The following FRAS1 variants were observed in gnomAD, a reference collection of about 807,000 sequenced individuals.
The protein encoded by FRAS1 is extracellular matrix organizing protein FRAS1.
In FRAS1, 290 loss-of-function variants were observed where a neutral mutation model predicts 435.2. The ratio of observed to expected loss-of-function variants is 0.67; its 90% CI spans 0.61 to 0.73. FRAS1 has a LOEUF of 0.73. Among genes scored for constraint, FRAS1 ranks in the 30% least tolerant of loss-of-function variants. The pLI is 0.00. For synonymous variants in FRAS1, 1,800 were observed against 1,851.0 expected, an observed-to-expected ratio of 0.97 and a Z score of 0.71; for missense variants, 4,860 against 5,001.5, an observed-to-expected ratio of 0.97 and a Z score of 0.85.
In FRAS1 at chr4:78,255,211, C is replaced by G. The variant is rs58723665; in HGVS notation, c.470-31C>G. 7,412 of 1,551,194 alleles carry G rather than the reference C, an allele frequency of 4.8e-3. 299 individuals carry two copies. In the African/African-American group the frequency reaches 0.088, roughly 18 times the overall value. On this transcript the variant is annotated intron_variant, in intron 5 of 73. Transcript: ENST00000512123. ...CCCTGGGATCAACAAATGCCATCCC[C>G]CTAGTAATCCTTGTTTCTTTGACCT...
At chr4:78,157,030 G>A (rs528040436) in intron 2 of FRAS1, among the ~76,000 whole-genome samples, 28 of 152,280 alleles carry the variant, frequency 1.8e-4, no homozygotes, top group East Asian at 1.2e-3. Flanking sequence ...GAAGTTTCTC[G>A]TTTAAGCTCT....
At position 78,450,257 on chromosome 4, in the gene FRAS1, G is replaced by C; in HGVS notation, c.6381G>C (p.Leu2127=). ...IMKEDPGAGR[L]QMMKHGNLEQ... ...AGGAAGATCCTGGTGCAGGGCGCCTGCAGATGATGAAGCATGGCAACCTGG... is the reference window on the plus strand; with the variant it reads ...AGGAAGATCCTGGTGCAGGGCGCCTCCAGATGATGAAGCATGGCAACCTGG... The change falls in exon 45 of 74, where the codon CTG becomes CTC. Residue 2127 remains leucine, a synonymous_variant. Transcript: ENST00000512123. 1 of 1,613,832 alleles carries C rather than the reference G, an allele frequency of 6.2e-7. No homozygotes were observed. Among genetic ancestry groups the C allele is most frequent in the Admixed American group, 1.7e-5 (1 of 60,020 alleles).
chr4:78,482,117 T>C (rs142690682), intron 57 of FRAS1, among the ~76,000 whole-genome samples, 153 bp downstream of exon 57: 2 of 152,248 alleles, frequency 1.3e-5, no homozygotes, highest in East Asian at 3.9e-4. Context: ...AGAGTTAACT[T>C]AGGAGGGGAT....
At chr4:78,366,023 A>G (rs1267416221) in intron 22 of FRAS1, among the ~76,000 whole-genome samples, 7 of 152,114 alleles carry the variant, frequency 4.6e-5, no homozygotes, top group African/African-American at 1.2e-4. Context: ...ATAGACAATT[A>G]TAGGCCTGCC....
At chr4:78,434,469 A>T (rs1459884535) in intron 38 of FRAS1, among the ~76,000 whole-genome samples, 1 of 152,182 alleles carries the variant, frequency 6.6e-6, no homozygotes, top group African/African-American at 2.4e-5. Flanking sequence ...TATGGGAAGG[A>T]TAAAATTAAT....
intron 36 of FRAS1, among the ~76,000 whole-genome samples, chr4:78,429,651 A>G (rs778129393): frequency 6.6e-6 from 1 of 152,228 alleles, no homozygotes; most frequent in African/African-American, 2.4e-5. Flanking sequence ...GTTATTTTGT[A>G]TATAATTATA....
At position 78,466,365 on chromosome 4, in the gene FRAS1, A is replaced by G. The variant is rs890548983; in HGVS notation, c.7187A>G (p.Lys2396Arg). The stretch of plus-strand genomic sequence containing the variant: ...AGCCATGACGGCAGTAACTCCCTCA[A>G]GGACCGGTTCACCTTCACTGTTTCT... Reference protein sequence around the residue: ...SYSHDGSNSLKDRFTFTVSDG... With the variant: ...SYSHDGSNSLRDRFTFTVSDG... The change falls in exon 50 of 74, where the codon AAG (lysine) becomes AGG (arginine). Residue 2396 changes from lysine (K) to arginine (R), a missense_variant. Coordinates refer to ENST00000512123, the MANE Select transcript of FRAS1 (RefSeq NM_025074.7). The G allele has an allele frequency of 8.1e-6, 13 of 1,613,856 alleles. No individual in the cohort carries two copies. The highest frequency in any genetic ancestry group is 1.1e-5 in the Non-Finnish European group (13 of 1,179,876).
chr4:78,267,405 A>G lies in FRAS1; in HGVS notation c.954A>G (p.Gly318=). ...CDHGQVTCQT[G]ECAKVECARD... The stretch of plus-strand genomic sequence containing the variant: ...ATGGCCAAGTGACCTGCCAGACTGG[A>G]GAGTGTGCCAAAGTGGAGTGTGCCC... Residue 318 remains glycine, a synonymous_variant, in exon 9 of 74, where the codon GGA becomes GGG. Coordinates refer to ENST00000512123, the MANE Select transcript of FRAS1 (RefSeq NM_025074.7). The G allele has an allele frequency of 6.2e-7, 1 of 1,613,850 alleles. No individual in the cohort carries two copies. The highest frequency in any genetic ancestry group is 8.5e-7 in the Non-Finnish European group (1 of 1,179,860).
chr4:78,087,977 A>C (rs1239003913), intron 2 of FRAS1, among the ~76,000 whole-genome samples: 1 of 152,234 alleles, frequency 6.6e-6, no homozygotes, highest in African/African-American at 2.4e-5. Context: ...AGTCAATCCT[A>C]AGCCAAAAGA....
intron 2 of FRAS1, among the ~76,000 whole-genome samples, chr4:78,146,876 G>A (rs577081750): frequency 1.3e-5 from 2 of 152,040 alleles, no homozygotes; most frequent in East Asian, 3.9e-4. Flanking sequence ...ATAATTACAT[G>A]TTTTTTGTTT....
intron 72 of FRAS1, 129 bp downstream of exon 72, chr4:78,537,329 G>A: frequency 1.1e-6 from 1 of 885,930 alleles, no homozygotes; most frequent in Non-Finnish European, 1.7e-6. Context: ...TTGTGTTGTT[G>A]TTTCTTTCAG....
In FRAS1 at chr4:78,453,825, T is replaced by G. The variant is rs934127488; in HGVS notation, c.6763+1471T>G. 7.2e-5 allele frequency among the ~76,000 whole-genome samples: 11 copies of G among 152,038 alleles called. No individual in the cohort carries two copies. In the East Asian group the frequency reaches 7.7e-4, roughly 11 times the overall value. On this transcript the variant is annotated intron_variant, in intron 47 of 73. Coordinates refer to ENST00000512123, the MANE Select transcript of FRAS1 (RefSeq NM_025074.7). ...AAAAAAAGACAATCTAAAGGTAGAATTATCTTTATTTCTTGGAACATAGAG... is the reference window on the plus strand; with the variant it reads ...AAAAAAAGACAATCTAAAGGTAGAAGTATCTTTATTTCTTGGAACATAGAG...
intron 2 of FRAS1, among the ~76,000 whole-genome samples, chr4:78,090,236 C>T (rs1741443593): frequency 6.6e-6 from 1 of 152,164 alleles, no homozygotes; most frequent in Admixed American, 6.6e-5. Context: ...ATGCAAGAGG[C>T]ATGAGCCATC....
intron 15 of FRAS1, among the ~76,000 whole-genome samples, chr4:78,313,719 T>C (rs1729127139): frequency 6.6e-6 from 1 of 151,270 alleles, no homozygotes; most frequent in Non-Finnish European, 1.5e-5. Flanking sequence ...AAACTTTTCT[T>C]TTTAAAAATT....
intron 2 of FRAS1, among the ~76,000 whole-genome samples, chr4:78,083,981 G>T (rs897628256): frequency 6.6e-6 from 1 of 151,944 alleles, no homozygotes; most frequent in Non-Finnish European, 1.5e-5. Context: ...AAAAGACAGG[G>T]TAAACTCTTG....
chr4:78,233,304 T>G (rs1724593632), intron 2 of FRAS1, among the ~76,000 whole-genome samples: 1 of 152,168 alleles, frequency 6.6e-6, no homozygotes, highest in Non-Finnish European at 1.5e-5. Flanking sequence ...ACCAGCTTAG[T>G]GAGATAGAGA....
At chr4:78,097,221 C>A (rs62307989) in intron 2 of FRAS1, among the ~76,000 whole-genome samples, 1 of 152,174 alleles carries the variant, frequency 6.6e-6, no homozygotes, top group African/African-American at 2.4e-5. Flanking sequence ...ACCACCTCAG[C>A]CTGGATTTCA....
intron 2 of FRAS1, among the ~76,000 whole-genome samples, chr4:78,104,266 G>C (rs1742278779): frequency 6.6e-6 from 1 of 152,172 alleles, no homozygotes; most frequent in Non-Finnish European, 1.5e-5. Flanking sequence ...ATTCACTACA[G>C]TTCCTTTGGC....
At chr4:78,060,747 A>G (rs141719034) in intron 1 of FRAS1, among the ~76,000 whole-genome samples, 277 of 152,346 alleles carry the variant, frequency 1.8e-3, no homozygotes, top group African/African-American at 6.4e-3. Flanking sequence ...TGATAGCTCT[A>G]AGATACTTTG....
Sources: gnomAD v4.1 joint callset for allele counts (sites outside exome capture counted in the v4.1 genomes callset) on GRCh38, gnomAD v4.1.1 for gene constraint, MANE v1.5 for transcripts, NCBI Gene and HGNC (gene_info 2026-07-23, HGNC 2026-07-21) for gene names.